ATAD5: variants seen among roughly 807,000 people sequenced by gnomAD.
The protein encoded by ATAD5 is ATPase family AAA domain containing 5.
ATAD5 carries 58 observed loss-of-function variants against 176.9 expected under a neutral mutation model. That is an observed-to-expected ratio of 0.33 (90% CI 0.27 to 0.41). The LOEUF (loss-of-function observed/expected upper bound fraction) is 0.41, where lower values mean the gene tolerates loss of function less well. Ranked by LOEUF, ATAD5 falls within the 10% of genes least tolerant of loss-of-function variation. The pLI is 1.00. For synonymous variants in ATAD5, 640 were observed against 712.6 expected (o/e 0.90, Z 1.62); for missense variants, 1,789 against 2,094.1 (o/e 0.85, Z 2.84).
chr17:30,858,848 T>C (rs1450345324), intron 9 of ATAD5, among the ~76,000 whole-genome samples: 1 of 152,190 alleles, frequency 6.6e-6, no homozygotes, highest in Non-Finnish European at 1.5e-5. Context: ...ACCTAGCTTA[T>C]TTTATTTTTT....
chr17:30,860,717 T>G (rs1396090970), intron 10 of ATAD5, 105 bp downstream of exon 10: 8 of 917,794 alleles, frequency 8.7e-6, no homozygotes, highest in Non-Finnish European at 1.2e-5. Context: ...AAAATTTTAA[T>G]TCAATTGTAT....
At chr17:30,863,517 C>T (rs921989743) in intron 10 of ATAD5, among the ~76,000 whole-genome samples, 1 of 151,954 alleles carries the variant, frequency 6.6e-6, no homozygotes, top group Non-Finnish European at 1.5e-5. Context: ...CAGGTACATG[C>T]TGCCACGCCT....
chr17:30,893,329 C>A lies in ATAD5; in HGVS notation c.4476C>A (p.Phe1492Leu). 1.9e-6 allele frequency: 3 copies of A among 1,581,382 alleles called. No individual in the cohort carries two copies. The highest frequency in any genetic ancestry group is 1.2e-5 in the South Asian group (1 of 85,334). Residue 1492 changes from phenylalanine (F) to leucine (L), a missense_variant, in exon 21 of 23, where the codon TTC becomes TTA. Phe to Leu is a conservative substitution (Grantham distance 22). Around this residue, in one of 6 missense-constraint regions of ATAD5, gnomAD observed 403 missense variants for 495.1 expected, o/e 0.81. Transcript: ENST00000321990. ...CAATGAAGGAAGAATGGCATAAATT[C>A]ATCCAGCTTCTTACAGAATTCCAAA... ...KITMKEEWHK[F>L]IQLLTEFQMR...
intron 1 of ATAD5, 144 bp downstream of exon 1, chr17:30,832,557 A>C: frequency 1.3e-6 from 1 of 753,510 alleles, no homozygotes; most frequent in Non-Finnish European, 1.9e-6. Flanking sequence ...CATTGTGTGC[A>C]ACAGTTGCCA....
intron 15 of ATAD5, among the ~76,000 whole-genome samples, 190 bp downstream of exon 15, chr17:30,876,740 T>G (rs188639840): frequency 7.0e-6 from 1 of 142,982 alleles, no homozygotes; most frequent in Non-Finnish European, 1.5e-5. Context: ...TGAGACAGAG[T>G]CTTGCTCTAT....
At chr17:30,850,419 G>T (rs1019046091) in intron 6 of ATAD5, among the ~76,000 whole-genome samples, 7 of 150,102 alleles carry the variant, frequency 4.7e-5, no homozygotes, top group African/African-American at 1.7e-4. Context: ...GGAGTGCAGT[G>T]GTGTGCTCAC....
At chr17:30,877,634 G>A (rs2142419203) in intron 16 of ATAD5, 85 bp downstream of exon 16, 3 of 1,387,120 alleles carry the variant, frequency 2.2e-6, no homozygotes, top group Non-Finnish European at 3.0e-6. Flanking sequence ...ATAAAGAATT[G>A]TAAAATAGCT....
At chr17:30,873,309 A>T (rs897867843) in intron 14 of ATAD5, among the ~76,000 whole-genome samples, 3 of 151,376 alleles carry the variant, frequency 2.0e-5, no homozygotes, top group African/African-American at 7.3e-5. Context: ...TTTGGTGTGA[A>T]ATTTCTTTTT....
chr17:30,892,340 G>T (rs1407229568), intron 19 of ATAD5, among the ~76,000 whole-genome samples: 1 of 150,986 alleles, frequency 6.6e-6, no homozygotes, highest in East Asian at 2.0e-4. Context: ...CAGGAAAATC[G>T]CTTGAACCCA....
At chr17:30,879,956 G>A (rs917200149) in intron 18 of ATAD5, among the ~76,000 whole-genome samples, 2 of 151,134 alleles carry the variant, frequency 1.3e-5, no homozygotes, top group Admixed American at 6.6e-5. Context: ...CCCAGGAGGT[G>A]GAGGTTACAG....
intron 19 of ATAD5, among the ~76,000 whole-genome samples, chr17:30,890,393 A>T (rs1909568094): frequency 6.6e-6 from 1 of 151,348 alleles, no homozygotes; most frequent in South Asian, 2.1e-4. Flanking sequence ...TAACAAAATA[A>T]GTACAGCATA....
intron 4 of ATAD5, among the ~76,000 whole-genome samples, 157 bp downstream of exon 4, chr17:30,840,938 T>C (rs1367996743): frequency 6.6e-6 from 1 of 151,490 alleles, no homozygotes; most frequent in Non-Finnish European, 1.5e-5. Context: ...AGCCTTCTGC[T>C]TTTTTTTGTC....
At chr17:30,878,725 T>TTG (rs1908823375) in intron 17 of ATAD5, among the ~76,000 whole-genome samples, 2 of 92,124 alleles carry the variant, frequency 2.2e-5, no homozygotes, top group East Asian at 3.0e-4. Context: ...GGTGTTTTTT[T>TTG]TTTTTTTTTT....
chr17:30,858,355 A>AT, intron 9 of ATAD5, 32 bp downstream of exon 9: 8 of 1,348,444 alleles, frequency 5.9e-6, no homozygotes, highest in African/African-American at 3.0e-5. Flanking sequence ...TTATGTTAAC[A>AT]TACCAGTTTT....
At chr17:30,890,786 A>C (rs116157263) in intron 19 of ATAD5, among the ~76,000 whole-genome samples, 2,826 of 152,178 alleles carry the variant, frequency 0.019, 105 homozygotes, top group African/African-American at 0.064. Context: ...TAAAAAAAAA[A>C]CAGATACATA....
At position 30,866,342 on chromosome 17, in the gene ATAD5, G is replaced by T. The variant is rs147491546; in HGVS notation, c.3233+542G>T. 4.5e-3 allele frequency among the ~76,000 whole-genome samples: 678 copies of T among 150,000 alleles called. 8 individuals are homozygous for T. The highest frequency in any genetic ancestry group is 0.016 in the African/African-American group (655 of 41,176). ...CCTCCTGAGTAGCTGGGACTACAGG[G>T]GTGCACCGCCATGCCAGGCTAATTT... On this transcript the variant is annotated intron_variant, in intron 11 of 22. Transcript: ENST00000321990.
At chr17:30,852,054 A>G (rs947660646) in intron 6 of ATAD5, among the ~76,000 whole-genome samples, 12 of 152,236 alleles carry the variant, frequency 7.9e-5, no homozygotes, top group Admixed American at 6.5e-4. Context: ...AATGGAATTA[A>G]CCACATGATG....
chr17:30,859,793 G>A (rs760189893), intron 9 of ATAD5, among the ~76,000 whole-genome samples: 6 of 145,892 alleles, frequency 4.1e-5, no homozygotes, highest in African/African-American at 7.5e-5. Context: ...GTGTGATCTC[G>A]GCTCACTGCA....
At chr17:30,837,830 A>T (rs896005418) in intron 3 of ATAD5, among the ~76,000 whole-genome samples, 5 of 152,208 alleles carry the variant, frequency 3.3e-5, no homozygotes, top group African/African-American at 9.6e-5. Context: ...TAATACCATT[A>T]CATAGTGGGT....
Sources: gnomAD v4.1 joint callset for allele counts (sites outside exome capture counted in the v4.1 genomes callset) on GRCh38, gnomAD v4.1.1 for gene constraint, gnomAD v4.1.1 regional missense constraint, MANE v1.5 for transcripts, NCBI Gene and HGNC (gene_info 2026-07-23, HGNC 2026-07-21) for gene names.